DACH1: variants seen among roughly 807,000 people sequenced by gnomAD.
DACH1 encodes the protein dachshund family transcription factor 1, also known as dachshund homolog 1.
DACH1 carries 12 observed loss-of-function variants against 54.2 expected under a neutral mutation model. The ratio of observed to expected loss-of-function variants is 0.22; its 90% confidence interval spans 0.14 to 0.36. The LOEUF (loss-of-function observed/expected upper bound fraction) is 0.36, where lower values mean the gene tolerates loss of function less well. Ranked by LOEUF, DACH1 falls within the 10% of genes least tolerant of loss-of-function variation. The pLI, the probability that DACH1 is intolerant of heterozygous loss-of-function variation, is 1.00. For missense variants in DACH1, 805 were observed against 929.8 expected (o/e 0.87, Z 1.75); for synonymous variants, 386 against 366.2 (o/e 1.05, Z -0.62).
chr13:71,502,204 C>T (rs751903091), intron 6 of DACH1, among the ~76,000 whole-genome samples: 1 of 152,096 alleles, frequency 6.6e-6, no homozygotes, highest in Non-Finnish European at 1.5e-5. Flanking sequence ...TAAAACCAAG[C>T]CTATGTTCAC....
At chr13:71,517,000 G>A (rs1881212100) in intron 6 of DACH1, among the ~76,000 whole-genome samples, 1 of 151,514 alleles carries the variant, frequency 6.6e-6, no homozygotes, top group African/African-American at 2.4e-5. Flanking sequence ...ATATACCTTA[G>A]TGAGGGGATG....
chr13:71,830,272 C>T (rs543602657), intron 1 of DACH1, among the ~76,000 whole-genome samples: 3 of 151,874 alleles, frequency 2.0e-5, no homozygotes, highest in African/African-American at 7.2e-5. Flanking sequence ...ATCAAGTTAG[C>T]GTAAATTAGA....
intron 3 of DACH1, among the ~76,000 whole-genome samples, chr13:71,582,754 C>T (rs1285849580): frequency 6.6e-6 from 1 of 152,102 alleles, no homozygotes; most frequent in Non-Finnish European, 1.5e-5. Flanking sequence ...TTCTATTATA[C>T]ATAGTAAAGA....
intron 1 of DACH1, among the ~76,000 whole-genome samples, chr13:71,696,046 A>T (rs1265599188): frequency 6.6e-6 from 1 of 152,132 alleles, no homozygotes; most frequent in African/African-American, 2.4e-5. Context: ...TTATCAAGAT[A>T]GGGATGAAAA....
At chr13:71,549,893 T>C (rs989038058) in intron 6 of DACH1, among the ~76,000 whole-genome samples, 3 of 152,146 alleles carry the variant, frequency 2.0e-5, no homozygotes, top group African/African-American at 7.2e-5. Context: ...CTCAAAATAT[T>C]TATTGAATGA....
chr13:71,455,768 T>C (rs1272672140), intron 10 of DACH1, among the ~76,000 whole-genome samples: 1 of 152,168 alleles, frequency 6.6e-6, no homozygotes, highest in Non-Finnish European at 1.5e-5. Context: ...GCAACATATT[T>C]AGTGTTCCTG....
chr13:71,659,712 G>A (rs1331111868), intron 2 of DACH1, among the ~76,000 whole-genome samples: 2 of 151,760 alleles, frequency 1.3e-5, no homozygotes, highest in South Asian at 2.1e-4. Flanking sequence ...TTTTTGACAT[G>A]TTTTAAGGCA....
At chr13:71,759,141 C>A (rs1885293770) in intron 1 of DACH1, among the ~76,000 whole-genome samples, 2 of 151,734 alleles carry the variant, frequency 1.3e-5, no homozygotes, top group Non-Finnish European at 2.9e-5. Flanking sequence ...ACTTGAGAGT[C>A]TGACAGTTCA....
chr13:71,640,779 T>A (rs1877838921), intron 2 of DACH1, among the ~76,000 whole-genome samples: 1 of 152,058 alleles, frequency 6.6e-6, no homozygotes, highest in African/African-American at 2.4e-5. Context: ...GTTTTTGTTT[T>A]GTTAAGAGGC....
At chr13:71,813,599 G>A (rs765520201) in intron 1 of DACH1, among the ~76,000 whole-genome samples, 2 of 152,050 alleles carry the variant, frequency 1.3e-5, no homozygotes, top group Non-Finnish European at 2.9e-5. Context: ...AGCAATCATA[G>A]CACAGAATAG....
chr13:71,592,519 A>C (rs2138466049), intron 3 of DACH1, among the ~76,000 whole-genome samples: 1 of 146,242 alleles, frequency 6.8e-6, no homozygotes, highest in African/African-American at 2.5e-5. Context: ...AAAAAAAAAG[A>C]AAAGAAAAAA....
intron 2 of DACH1, among the ~76,000 whole-genome samples, chr13:71,653,287 C>T (rs923118250): frequency 5.3e-5 from 8 of 152,172 alleles, no homozygotes; most frequent in African/African-American, 1.9e-4. Context: ...CCAGTGCCAA[C>T]AAACATCAGC....
chr13:71,538,293 G>A (rs1305239750), intron 6 of DACH1, among the ~76,000 whole-genome samples: 1 of 151,748 alleles, frequency 6.6e-6, no homozygotes, highest in South Asian at 2.1e-4. Context: ...TGATACATGA[G>A]TATTACAAAG....
At position 71,843,066 on chromosome 13, in the gene DACH1, A is replaced by C. The variant is rs150672284; in HGVS notation, c.848+22856T>G. 1.6e-3 allele frequency among the ~76,000 whole-genome samples: 242 copies of C among 152,178 alleles called. 3 individuals are homozygous for C. The highest frequency in any genetic ancestry group is 5.5e-3 in the African/African-American group (229 of 41,502). ...CTTTTTTGCTATCCTGCATTATCTGAATGTTATTTTTATTTTTTTAATTTT... is the reference window on the plus strand; with the variant it reads ...CTTTTTTGCTATCCTGCATTATCTGCATGTTATTTTTATTTTTTTAATTTT... On this transcript the variant is annotated intron_variant, in intron 1 of 10. Transcript: ENST00000613252.
intron 8 of DACH1, among the ~76,000 whole-genome samples, chr13:71,476,093 T>C (rs180997732): frequency 3.3e-5 from 5 of 152,304 alleles, no homozygotes; most frequent in Admixed American, 3.3e-4. Flanking sequence ...TTAATTGCCA[T>C]ATGTAAAGAT....
At chr13:71,448,387 T>C (rs957218646) in intron 10 of DACH1, among the ~76,000 whole-genome samples, 10 of 152,158 alleles carry the variant, frequency 6.6e-5, no homozygotes, top group Non-Finnish European at 7.3e-5. Flanking sequence ...TGAAAACAAA[T>C]GTTAATGATT....
At chr13:71,530,953 T>G (rs561967273) in intron 6 of DACH1, among the ~76,000 whole-genome samples, 150 of 152,266 alleles carry the variant, frequency 9.9e-4, no homozygotes, top group African/African-American at 3.4e-3. Flanking sequence ...TCTCCCGGCT[T>G]ATTTTTCTTC....
At chr13:71,594,069 G>T (rs146298393) in intron 3 of DACH1, among the ~76,000 whole-genome samples, 2 of 150,994 alleles carry the variant, frequency 1.3e-5, no homozygotes, top group African/African-American at 4.8e-5. Flanking sequence ...TTCATAACTT[G>T]GTGTTTTAAA....
intron 1 of DACH1, among the ~76,000 whole-genome samples, chr13:71,805,293 C>A (rs1241606587): frequency 6.6e-6 from 1 of 152,108 alleles, no homozygotes; most frequent in East Asian, 1.9e-4. Context: ...TTGAGGACAA[C>A]CACCAAAATC....
Sources: allele counts gnomAD v4.1 joint callset (sites outside exome capture counted in the v4.1 genomes callset), GRCh38; gene constraint gnomAD v4.1.1; transcripts MANE v1.5; gene names NCBI Gene and HGNC (gene_info 2026-07-23, HGNC 2026-07-21).